NPY1R: variants seen among roughly 807,000 people sequenced by gnomAD.
NPY1R encodes neuropeptide Y receptor type 1.
In NPY1R, 10 loss-of-function variants were observed where a neutral mutation model predicts 24.1. That is an observed-to-expected ratio of 0.42 (90% CI 0.26 to 0.71). The LOEUF is 0.71. Among genes scored for constraint, NPY1R ranks in the 30% least tolerant of loss-of-function variants. The pLI, the probability that NPY1R is intolerant of heterozygous loss-of-function variation, is 0.28. For missense variants in NPY1R, 350 were observed against 458.0 expected (o/e 0.76, Z 2.15); for synonymous variants, 168 against 165.9 (o/e 1.01, Z -0.10).
chr4:163,333,524 C>T (rs1195681503), upstream of NPY1R, among the ~76,000 whole-genome samples: 1 of 151,924 alleles, frequency 6.6e-6, no homozygotes, highest in Non-Finnish European at 1.5e-5. Flanking sequence ...ATGAGTAGAA[C>T]TTCTTCCAAA....
chr4:163,342,960 T>A, intron 1 of NPY1R, among the ~76,000 whole-genome samples: 1 of 130,330 alleles, frequency 7.7e-6, no homozygotes, highest in Non-Finnish European at 1.6e-5. Flanking sequence ...TCTCTCCTTC[T>A]CTCTCTCTCT....
chr4:163,337,136 T>A (rs991945800), upstream of NPY1R, among the ~76,000 whole-genome samples: 1 of 152,152 alleles, frequency 6.6e-6, no homozygotes, highest in Non-Finnish European at 1.5e-5. Context: ...TTTCCCCAGA[T>A]ACAAATACAT....
intron 1 of NPY1R, among the ~76,000 whole-genome samples, chr4:163,340,253 T>C (rs920853901): frequency 2.0e-5 from 3 of 151,966 alleles, no homozygotes; most frequent in Admixed American, 2.0e-4. Flanking sequence ...GGCCTATATA[T>C]GGATTGACAT....
At chr4:163,336,161 T>C (rs1449002329), upstream of NPY1R, among the ~76,000 whole-genome samples, 8 of 152,230 alleles carry the variant, frequency 5.3e-5, no homozygotes, top group Admixed American at 5.2e-4. Flanking sequence ...GTTCTCATTT[T>C]GTTACATGGG....
rs1328518847 is a variant in NPY1R, at chr4:163,325,403, A to G, written c.1055T>C (p.Met352Thr). 4.3e-6 allele frequency: 7 copies of G among 1,614,122 alleles called. No homozygotes were observed. Among genetic ancestry groups the G allele is most frequent in the Admixed American group, 1.7e-5 (1 of 60,016 alleles). ...SRDDDYETIA[M>T]STMHTDVSKT... ...GGAAACATCTGTGTGCATCGTGGAC[A>G]TGGCTATTGTTTCATAATCATCATC... The change falls in exon 3 of 3, where the codon ATG becomes ACG. Residue 352 changes from methionine (M) to threonine (T), a missense_variant. Coordinates refer to ENST00000296533, the MANE Select transcript of NPY1R (RefSeq NM_000909.6).
At chr4:163,338,928 A>C (rs1734911034) in intron 1 of NPY1R, among the ~76,000 whole-genome samples, 1 of 151,852 alleles carries the variant, frequency 6.6e-6, no homozygotes, top group Admixed American at 6.6e-5. Flanking sequence ...CACAAATCCA[A>C]CTGGTCTCAG....
In NPY1R at chr4:163,328,502, T is replaced by C. The variant is rs148306757; in HGVS notation, c.-151-1797A>G. On this transcript the variant is annotated intron_variant, in intron 1 of 2. Transcript: ENST00000296533. Reference sequence around the variant, plus strand: ...TTAATTATAAGTTTCCCTTCATTATTTGAAGTAAAACTAGCAGAGTAGGGA... The same window carrying C: ...TTAATTATAAGTTTCCCTTCATTATCTGAAGTAAAACTAGCAGAGTAGGGA... Among the ~76,000 whole-genome samples, 61 of 152,350 alleles carry C rather than the reference T, an allele frequency of 4.0e-4. No homozygotes were observed. In the East Asian group the frequency reaches 9.1e-3, roughly 23 times the overall value.
chr4:163,336,992 G>T, upstream of NPY1R, among the ~76,000 whole-genome samples: 1 of 150,746 alleles, frequency 6.6e-6, no homozygotes, highest in Non-Finnish European at 1.5e-5. Context: ...AGGAGAAAGT[G>T]TTTTTTTTTT....
At chr4:163,342,657 A>G (rs755101694) in intron 1 of NPY1R, among the ~76,000 whole-genome samples, 20 of 152,306 alleles carry the variant, frequency 1.3e-4, no homozygotes, top group Non-Finnish European at 2.6e-4. Flanking sequence ...ATAGCAATCT[A>G]TACAGATCCC....
At position 163,326,561 on chromosome 4, in the gene NPY1R, T is replaced by G; in HGVS notation, c.-7A>C. The G allele has an allele frequency of 6.4e-7, 1 of 1,555,166 alleles. No homozygotes were observed. The highest frequency in any genetic ancestry group is 8.8e-7 in the Non-Finnish European group (1 of 1,138,788). On this transcript the variant is annotated 5_prime_UTR_variant, in exon 2 of 3. Coordinates refer to ENST00000296533, the MANE Select transcript of NPY1R (RefSeq NM_000909.6). ...AAAATAATGTTGAATTCATTTTGATTGGTTTGGTTGTTATAGATTATTTTA... is the reference window on the plus strand; with the variant it reads ...AAAATAATGTTGAATTCATTTTGATGGGTTTGGTTGTTATAGATTATTTTA...
At chr4:163,334,292 A>T (rs1002776240), upstream of NPY1R, among the ~76,000 whole-genome samples, 2 of 152,232 alleles carry the variant, frequency 1.3e-5, no homozygotes, top group Non-Finnish European at 2.9e-5. Context: ...TATGTCAGCA[A>T]ATATTTTGGA....
intron 1 of NPY1R, among the ~76,000 whole-genome samples, chr4:163,339,622 T>C (rs1734929042): frequency 6.6e-6 from 1 of 152,176 alleles, no homozygotes; most frequent in African/African-American, 2.4e-5. Flanking sequence ...AATTTTTGAA[T>C]ATCACAAATC....
intron 1 of NPY1R, among the ~76,000 whole-genome samples, chr4:163,343,616 CAGGGTTG>C (rs1411570315): frequency 6.6e-6 from 1 of 152,138 alleles, no homozygotes; most frequent in East Asian, 1.9e-4. Flanking sequence ...GTTCACTACA[CAGGGTTG>C]AGGGCTGGAC....
rs74885400 is a variant in NPY1R at position 163,332,183 on chromosome 4, G to C, written c.-152+299C>G. ...GCCTCGGCCTTTTAAAGAGAACCGG[G>C]GTAAAGGAAAACTTGGATCCCCATC... On this transcript the variant is annotated intron_variant, in intron 1 of 2. Transcript: ENST00000296533. Among the ~76,000 whole-genome samples the C allele has an allele frequency of 4.6e-5, 7 of 152,324 alleles. No homozygotes were observed. In the South Asian group the frequency reaches 1.2e-3, roughly 27 times the overall value.
chr4:163,335,429 T>G (rs958004834), upstream of NPY1R, among the ~76,000 whole-genome samples: 3 of 152,312 alleles, frequency 2.0e-5, no homozygotes, highest in Non-Finnish European at 2.9e-5. Context: ...ATTCAGTAAC[T>G]GCTTAAATAA....
chr4:163,325,340 T>G lies in NPY1R; in HGVS notation c.1118A>C (p.Lys373Thr), dbSNP rs949042928. 6.2e-6 allele frequency: 10 copies of G among 1,611,590 alleles called. No individual in the cohort carries two copies. Among genetic ancestry groups the G allele is most frequent in the African/African-American group, 4.0e-5 (3 of 74,726 alleles). ...ATTATCATCATTGTTGTTGATTTTT[T>G]TAAATGCGACTGGGCTTGCTTGCTT... ...SLKQASPVAFKKINNNDDNEK... is the reference protein window; with the variant it reads ...SLKQASPVAFTKINNNDDNEK... Residue 373 changes from lysine (K) to threonine (T), a missense_variant, in exon 3 of 3, where the codon AAA (lysine) becomes ACA (threonine). Transcript: ENST00000296533.
At chr4:163,340,160 G>A (rs1169140152) in intron 1 of NPY1R, among the ~76,000 whole-genome samples, 1 of 151,874 alleles carries the variant, frequency 6.6e-6, no homozygotes, top group Non-Finnish European at 1.5e-5. Flanking sequence ...AAATAGATAG[G>A]AAATGGAAAC....
At chr4:163,328,781 C>T (rs1734664809) in intron 1 of NPY1R, among the ~76,000 whole-genome samples, 1 of 152,200 alleles carries the variant, frequency 6.6e-6, no homozygotes, top group Admixed American at 6.5e-5. Context: ...TGTTCTCTCT[C>T]TCCCACCACC....
chr4:163,332,826 C>A (rs1413252591), upstream of NPY1R: 1 of 152,218 alleles, frequency 6.6e-6, no homozygotes, highest in Non-Finnish European at 1.5e-5. Flanking sequence ...AGCCCTAATC[C>A]CCACAGTCCT....
Sources: gnomAD v4.1 joint callset for allele counts (sites outside exome capture counted in the v4.1 genomes callset) on GRCh38, gnomAD v4.1.1 for gene constraint, MANE v1.5 for transcripts, NCBI Gene and HGNC (gene_info 2026-07-23, HGNC 2026-07-21) for gene names.